The following SCN8A variants were observed in gnomAD, a reference collection of about 807,000 sequenced individuals.
The protein encoded by SCN8A is sodium voltage-gated channel alpha subunit 8, also known as sodium channel protein type 8 subunit alpha.
In SCN8A, 30 loss-of-function variants were observed where a neutral mutation model predicts 184.1. That is an observed-to-expected ratio of 0.16 (90% CI 0.12 to 0.22). The LOEUF is 0.22. Among genes scored for constraint, SCN8A ranks in the 10% least tolerant of loss-of-function variants. The probability of loss-of-function intolerance (pLI) is 1.00; values close to 1 mark genes in which losing one functional copy is unlikely to be tolerated. For synonymous variants in SCN8A, 852 were observed against 907.0 expected, an observed-to-expected ratio of 0.94 and a Z score of 1.09; for missense variants, 1,057 against 2,498.9, an observed-to-expected ratio of 0.42 and a Z score of 12.30.
At chr12:51,781,367 G>A (rs1355977942) in intron 21 of SCN8A, among the ~76,000 whole-genome samples, 1 of 152,136 alleles carries the variant, frequency 6.6e-6, no homozygotes, top group Non-Finnish European at 1.5e-5. Flanking sequence ...TGGACTGGCA[G>A]CCTCTGTCTG....
At chr12:51,800,117 G>A (rs1397698369) in intron 26 of SCN8A, among the ~76,000 whole-genome samples, 1 of 152,250 alleles carries the variant, frequency 6.6e-6, no homozygotes, top group Admixed American at 6.5e-5. Flanking sequence ...ATACCCCTGA[G>A]GTAGGACAGT....
Position 51,713,987 on chromosome 12 carries a change from T to G in SCN8A, c.1635+7272T>G, listed in dbSNP as rs541823793. 2.0e-3 allele frequency among the ~76,000 whole-genome samples: 311 copies of G among 152,094 alleles called. 2 individuals are homozygous for G. The highest frequency in any genetic ancestry group is 6.8e-3 in the African/African-American group (282 of 41,536). Reference sequence around the variant, plus strand: ...AACCAAAAAAAAGGGTTTTTTTTTTTGTATTACATTTCTGCAAATCTCTTT... The same window carrying G: ...AACCAAAAAAAAGGGTTTTTTTTTTGGTATTACATTTCTGCAAATCTCTTT... On this transcript the variant is annotated intron_variant, in intron 11 of 26. Transcript: ENST00000627620.
At chr12:51,592,269 C>T (rs911431951) in intron 1 of SCN8A, among the ~76,000 whole-genome samples, 1 of 151,924 alleles carries the variant, frequency 6.6e-6, no homozygotes, top group Admixed American at 6.6e-5. Flanking sequence ...GAGAGCTCAG[C>T]TCCATCCCCT....
chr12:51,638,579 C>T (rs530377972), intron 1 of SCN8A, among the ~76,000 whole-genome samples: 9 of 151,972 alleles, frequency 5.9e-5, no homozygotes, highest in African/African-American at 4.8e-5. Flanking sequence ...CTCCGCCTCC[C>T]GGGTTCTAGC....
At chr12:51,640,046 G>T (rs1400430970) in intron 1 of SCN8A, among the ~76,000 whole-genome samples, 3 of 146,734 alleles carry the variant, frequency 2.0e-5, no homozygotes, top group African/African-American at 7.5e-5. Context: ...TGGGACTATG[G>T]GTGTGCACCA....
At chr12:51,723,234 A>G (rs1382180705) in intron 12 of SCN8A, 1 of 152,290 alleles carries the variant, frequency 6.6e-6, no homozygotes, top group African/African-American at 2.4e-5. Context: ...CTGTAATCCC[A>G]GCACTTTGGG....
In SCN8A at chr12:51,641,454, A is replaced by C. The variant is rs76773772; in HGVS notation, c.-54-21310A>C. Among the ~76,000 whole-genome samples the C allele has an allele frequency of 5.4e-3, 828 of 152,334 alleles. 9 individuals are homozygous for C. Among genetic ancestry groups the C allele is most frequent in the African/African-American group, 0.019 (775 of 41,574 alleles). On this transcript the variant is annotated intron_variant, in intron 1 of 26. Transcript: ENST00000627620. ...TGTACAGAAAAAGCACACAGAATGG[A>C]GAGTCAACTCCTGAGTCTAAGTCCT...
At chr12:51,788,077 G>A (rs982667440) in intron 22 of SCN8A, among the ~76,000 whole-genome samples, 2 of 152,092 alleles carry the variant, frequency 1.3e-5, no homozygotes, top group South Asian at 2.1e-4. Context: ...CATAAAACAC[G>A]GTGAATAGTA....
rs376351934 is a variant in SCN8A at position 51,706,836 on chromosome 12, T to C, written c.1635+121T>C. The C allele has an allele frequency of 8.2e-5, 57 of 696,128 alleles. No homozygotes were observed. The African/African-American group carries it at 8.4e-4, about 10-fold the overall frequency. The allele number at this position is 696,128 out of a possible 1,614,324, so 43.1% of individuals were successfully genotyped here. ...TGTACCGTTCAGTGTTAAGCACAAT[T>C]ATATTCTTCTTTTTCCTCTTTCATC... On this transcript the variant is annotated intron_variant, in intron 11 of 26. Coordinates refer to ENST00000627620, the MANE Select transcript of SCN8A (RefSeq NM_001330260.2).
intron 21 of SCN8A, among the ~76,000 whole-genome samples, chr12:51,784,868 G>A (rs1268356989): frequency 6.6e-6 from 1 of 152,194 alleles, no homozygotes; most frequent in East Asian, 1.9e-4. Context: ...AAGAGTTCCT[G>A]GAGGAAGTAG....
chr12:51,701,339 G>A (rs1374108281), intron 8 of SCN8A, 132 bp downstream of exon 8: 8 of 472,554 alleles, frequency 1.7e-5, no homozygotes, highest in African/African-American at 4.0e-5. Context: ...CTGACCTATC[G>A]GTTGGCATAG....
chr12:51,636,532 A>C (rs1357768509), intron 1 of SCN8A, among the ~76,000 whole-genome samples: 1 of 152,116 alleles, frequency 6.6e-6, no homozygotes, highest in African/African-American at 2.4e-5. Context: ...GTGTGTAGAA[A>C]GGTGGAGAAC....
intron 1 of SCN8A, among the ~76,000 whole-genome samples, chr12:51,635,951 T>C (rs918157564): frequency 2.0e-5 from 3 of 152,174 alleles, no homozygotes; most frequent in African/African-American, 7.2e-5. Context: ...CTTCTCCTAA[T>C]CACTGCCTTT....
rs780359764 is a variant in SCN8A, at chr12:51,725,228, G to A, written c.1998+3320G>A. On this transcript the variant is annotated intron_variant, in intron 12 of 26. Transcript: ENST00000627620. ...GAAACTGTTATGGCTAGTTGTTAACGGTGTGGGAAAATGTCTAAGTTACAT... is the reference window on the plus strand; with the variant it reads ...GAAACTGTTATGGCTAGTTGTTAACAGTGTGGGAAAATGTCTAAGTTACAT... Among the ~76,000 whole-genome samples, 10 of 152,086 alleles carry A rather than the reference G, an allele frequency of 6.6e-5. No homozygotes were observed. In the South Asian group the frequency reaches 8.3e-4, roughly 13 times the overall value.
chr12:51,769,060 C>G lies in SCN8A; in HGVS notation c.3097C>G (p.Pro1033Ala). ...GCAGCGTGAGGCTGATGAGGTGAAG[C>G]CTCTGGATGAGTTGTATGAAAAGAA... Reference protein sequence around the residue: ...FKQREADEVKPLDELYEKKAN... With the variant: ...FKQREADEVKALDELYEKKAN... The change falls in exon 17 of 27, where the codon CCT becomes GCT. Residue 1033 changes from proline (P) to alanine (A), a missense_variant. By Grantham distance (27) the Pro-to-Ala change is conservative. Around this residue, in one of 19 missense-constraint regions of SCN8A, gnomAD observed 178 missense variants for 259.6 expected, o/e 0.69. Coordinates refer to ENST00000627620, the MANE Select transcript of SCN8A (RefSeq NM_001330260.2). The G allele has an allele frequency of 1.2e-6, 2 of 1,613,994 alleles. No homozygotes were observed. The highest frequency in any genetic ancestry group is 8.5e-7 in the Non-Finnish European group (1 of 1,179,878).
chr12:51,785,161 T>A (rs142867427), intron 21 of SCN8A, among the ~76,000 whole-genome samples: 2 of 152,332 alleles, frequency 1.3e-5, no homozygotes, highest in African/African-American at 4.8e-5. Context: ...AACTGTAGAA[T>A]GAGGAGGTAA....
chr12:51,609,273 A>T (rs1939664616), intron 1 of SCN8A, among the ~76,000 whole-genome samples: 1 of 152,208 alleles, frequency 6.6e-6, no homozygotes, highest in Non-Finnish European at 1.5e-5. Flanking sequence ...TATTGTTTAA[A>T]TCCGTTGTTA....
At chr12:51,629,419 C>A (rs1940149430) in intron 1 of SCN8A, among the ~76,000 whole-genome samples, 1 of 152,028 alleles carries the variant, frequency 6.6e-6, no homozygotes. Context: ...TCCCTCAGCC[C>A]CCAAGTTGTG....
intron 1 of SCN8A, among the ~76,000 whole-genome samples, chr12:51,612,912 G>A (rs1939753057): frequency 6.6e-6 from 1 of 152,024 alleles, no homozygotes; most frequent in African/African-American, 2.4e-5. Flanking sequence ...TAGTAGAGAT[G>A]GGGTTTCACC....
Sources: gnomAD v4.1 joint callset for allele counts (sites outside exome capture counted in the v4.1 genomes callset) on GRCh38, gnomAD v4.1.1 for gene constraint, gnomAD v4.1.1 regional missense constraint, MANE v1.5 for transcripts, NCBI Gene and HGNC (gene_info 2026-07-23, HGNC 2026-07-21) for gene names.